Variants in PLAC9 observed in about 807,000 individuals in gnomAD.
PLAC9 encodes the protein placenta-specific protein 9.
PLAC9 carries 12 observed loss-of-function variants against 11.5 expected under a neutral mutation model. The ratio of observed to expected loss-of-function variants is 1.05; its 90% CI spans 0.67 to 1.69. The LOEUF (loss-of-function observed/expected upper bound fraction) is 1.69, where lower values mean the gene tolerates loss of function less well. Among genes scored for constraint, PLAC9 ranks in the 40% most tolerant of loss-of-function variants. PLAC9 has a pLI of 0.00. For synonymous variants in PLAC9, 62 were observed against 58.1 expected (o/e 1.07, Z -0.31); for missense variants, 132 against 130.5 (o/e 1.01, Z -0.06).
At chr10:80,144,784 C>G (rs1027814117) in intron 3 of PLAC9, 116 bp from the exon 4 acceptor site, 120 of 1,065,862 alleles carry the variant, frequency 1.1e-4, no homozygotes, top group Non-Finnish European at 1.4e-4. Flanking sequence ...CCTTGTGTCC[C>G]GCGCGCAGTA....
chr10:80,144,096 G>A, intron 2 of PLAC9, 127 bp from the exon 3 acceptor site: 1 of 1,358,624 alleles, frequency 7.4e-7, no homozygotes, highest in South Asian at 1.2e-5. Context: ...GAAAACCCAG[G>A]TCACTTAGCG....
At chr10:80,136,656 TTTTA>T (rs138774775) in intron 1 of PLAC9, among the ~76,000 whole-genome samples, 78,390 of 146,298 alleles carry the variant, frequency 0.54, 21,443 homozygotes, top group African/African-American at 0.65. Context: ...TTAATTTTTA[TTTTA>T]TTTATTTATT....
rs1397397627 is a variant in PLAC9 at position 80,135,524 on chromosome 10, C to T, written c.64+2698C>T. Among the ~76,000 whole-genome samples, 3 of 150,808 alleles carry T rather than the reference C, an allele frequency of 2.0e-5. 1 individual carries two copies. The highest frequency in any genetic ancestry group is 4.2e-4 in the South Asian group (2 of 4,760). ...CATTTTTTAGTAGAGACGGGGGCTGCGGGGGAGTTTCACCATGTTGGCTAG... is the reference window on the plus strand; with the variant it reads ...CATTTTTTAGTAGAGACGGGGGCTGTGGGGGAGTTTCACCATGTTGGCTAG... On this transcript the variant is annotated intron_variant, in intron 1 of 3. Transcript: ENST00000372263.
chr10:80,135,563 TC>T (rs1844966304), intron 1 of PLAC9, among the ~76,000 whole-genome samples: 1 of 151,520 alleles, frequency 6.6e-6, no homozygotes, highest in Non-Finnish European at 1.5e-5. Flanking sequence ...GGTCTCAAAC[TC>T]CTGACATCAA....
intron 1 of PLAC9, among the ~76,000 whole-genome samples, chr10:80,137,253 G>A (rs1481405289): frequency 6.6e-6 from 1 of 152,224 alleles, no homozygotes; most frequent in Admixed American, 6.5e-5. Flanking sequence ...TTGGAGCCAA[G>A]TTAGACCTCA....
chr10:80,134,231 C>T (rs1348115213), intron 1 of PLAC9, among the ~76,000 whole-genome samples: 1 of 151,430 alleles, frequency 6.6e-6, no homozygotes, highest in Non-Finnish European at 1.5e-5. Context: ...TAAAGGAAAT[C>T]CAGGCATTGT....
chr10:80,136,842 A>C (rs990415060), intron 1 of PLAC9, among the ~76,000 whole-genome samples: 5 of 151,980 alleles, frequency 3.3e-5, no homozygotes, highest in African/African-American at 9.7e-5. Flanking sequence ...GCCTCTCTGC[A>C]GCCTCCAAAA....
rs773767546 is a variant in PLAC9, at chr10:80,138,951, C to CTT, written c.65-3114_65-3113dup. On this transcript the variant is annotated intron_variant, in intron 1 of 3. Transcript: ENST00000372263. ...CTCTAAAAGTTAAATTGCAATATTC[C>CTT]TTTTTTTTTTTTTTTTTTGAGACGG... Among the ~76,000 whole-genome samples the CTT allele has an allele frequency of 5.5e-3, 721 of 131,292 alleles. 18 individuals carry two copies. Among genetic ancestry groups the CTT allele is most frequent in the African/African-American group, 0.02 (655 of 31,986 alleles). The allele number at this position is 131,292 out of a possible 152,430, so 86.1% of individuals were successfully genotyped here. A position where few individuals can be genotyped will look rare whatever the true frequency, so the allele number is the denominator to read the frequency against.
upstream of PLAC9, chr10:80,132,681 A>G: frequency 8.1e-7 from 1 of 1,236,104 alleles, no homozygotes; most frequent in Non-Finnish European, 1.1e-6. Context: ...AACTGAGTGC[A>G]TTTCCTCTCG....
Position 80,145,149 on chromosome 10 carries a change from T to C in PLAC9, c.*239T>C, listed in dbSNP as rs1429528663. ...TCAGACCTGGGGACACCCCCACTCC[T>C]GTCATTTATAGGGGCAGATGGAGCA... On this transcript the variant is annotated 3_prime_UTR_variant, in exon 4 of 4. Coordinates refer to ENST00000372263, the MANE Select transcript of PLAC9 (RefSeq NM_001012973.3). 8 of 655,586 alleles carry C rather than the reference T, an allele frequency of 1.2e-5. No homozygotes were observed. The highest frequency in any genetic ancestry group is 2.2e-5 in the Non-Finnish European group (8 of 368,776). The allele number at this position is 655,586 out of a possible 1,614,324, so 40.6% of individuals were successfully genotyped here.
chr10:80,136,880 G>A (rs1388677293), intron 1 of PLAC9, among the ~76,000 whole-genome samples: 7 of 152,066 alleles, frequency 4.6e-5, no homozygotes, highest in Non-Finnish European at 8.8e-5. Flanking sequence ...TGCGCTACAC[G>A]GGGGAGTCAG....
intron 2 of PLAC9, among the ~76,000 whole-genome samples, chr10:80,143,116 G>T (rs1845059827): frequency 6.6e-6 from 1 of 151,652 alleles, no homozygotes; most frequent in South Asian, 2.1e-4. Context: ...TTGGCTCACT[G>T]CAACCTCTGC....
At chr10:80,141,619 C>CA (rs983391332) in intron 1 of PLAC9, among the ~76,000 whole-genome samples, 20 of 151,706 alleles carry the variant, frequency 1.3e-4, no homozygotes, top group African/African-American at 4.1e-4. Context: ...AACAAACACA[C>CA]AAAAAAACAA....
rs541617798 is a variant in PLAC9, at chr10:80,133,822, T to C, written c.64+996T>C. Among the ~76,000 whole-genome samples, 3 of 152,006 alleles carry C rather than the reference T, an allele frequency of 2.0e-5. No individual in the cohort carries two copies. In the East Asian group the frequency reaches 5.8e-4, roughly 29 times the overall value. The stretch of plus-strand genomic sequence containing the variant: ...AATCGGGCGTGGTGGCACATGCCTG[T>C]AGTCCCAGCTACTCGGCAGGCTGAG... On this transcript the variant is annotated intron_variant, in intron 1 of 3. Transcript: ENST00000372263.
At chr10:80,139,109 G>T (rs577287818) in intron 1 of PLAC9, among the ~76,000 whole-genome samples, 11 of 151,914 alleles carry the variant, frequency 7.2e-5, no homozygotes, top group South Asian at 4.2e-4. Context: ...CCACCGCCAC[G>T]CCCGGCTAAT....
upstream of PLAC9, among the ~76,000 whole-genome samples, chr10:80,132,416 CCT>C (rs983989381): frequency 3.3e-5 from 5 of 152,192 alleles, no homozygotes; most frequent in Non-Finnish European, 5.9e-5. Flanking sequence ...GTAACAAACC[CCT>C]GACCCCAGGC....
At chr10:80,138,306 G>A (rs1845001765) in intron 1 of PLAC9, among the ~76,000 whole-genome samples, 3 of 152,072 alleles carry the variant, frequency 2.0e-5, no homozygotes, top group Non-Finnish European at 4.4e-5. Flanking sequence ...ATCCAAGACA[G>A]CACAGCCTTT....
At chr10:80,137,004 G>C (rs1844987041) in intron 1 of PLAC9, among the ~76,000 whole-genome samples, 1 of 152,198 alleles carries the variant, frequency 6.6e-6, no homozygotes, top group Non-Finnish European at 1.5e-5. Flanking sequence ...CTGAGAAAAG[G>C]GGTCTCCAGC....
At chr10:80,134,736 T>G (rs991100104) in intron 1 of PLAC9, among the ~76,000 whole-genome samples, 1 of 152,232 alleles carries the variant, frequency 6.6e-6, no homozygotes, top group Admixed American at 6.5e-5. Flanking sequence ...GTCATATCTT[T>G]TTGCAATTCA....
Sources: gnomAD v4.1 joint callset for allele counts (sites outside exome capture counted in the v4.1 genomes callset) on GRCh38, gnomAD v4.1.1 for gene constraint, MANE v1.5 for transcripts, NCBI Gene and HGNC (gene_info 2026-07-23, HGNC 2026-07-21) for gene names.